RSRC1: variants seen among roughly 807,000 people sequenced by gnomAD.
RSRC1 encodes serine/Arginine-related protein 53.
A neutral mutation model predicts 49.1 loss-of-function variants in RSRC1; 39 were observed. The ratio of observed to expected loss-of-function variants is 0.79; its 90% CI spans 0.61 to 1.04. The LOEUF (loss-of-function observed/expected upper bound fraction) is 1.04. RSRC1 is among the 50% of genes least tolerant of loss of function. RSRC1 has a pLI of 0.00. For synonymous variants in RSRC1, 143 were observed against 130.8 expected, an observed-to-expected ratio of 1.09 and a Z score of -0.63; for missense variants, 388 against 402.4, an observed-to-expected ratio of 0.96 and a Z score of 0.31.
intron 3 of RSRC1, among the ~76,000 whole-genome samples, chr3:158,182,362 A>ACTTTTTCTTAGGTGATAGAGAAACT (rs1274598235): frequency 6.6e-6 from 1 of 152,224 alleles, no homozygotes; most frequent in East Asian, 1.9e-4. Context: ...TTTTACAAAT[A>ACTTTTTCTTAGGTGATAGAGAAACT]CTTTTTCTTA....
At chr3:158,313,103 C>A (rs562630074) in intron 5 of RSRC1, among the ~76,000 whole-genome samples, 3 of 152,176 alleles carry the variant, frequency 2.0e-5, no homozygotes, top group Non-Finnish European at 2.9e-5. Flanking sequence ...CAACCTCCCC[C>A]CTCCCCTCAC....
intron 4 of RSRC1, among the ~76,000 whole-genome samples, chr3:158,232,303 T>C (rs1167466428): frequency 2.0e-5 from 3 of 152,168 alleles, no homozygotes; most frequent in Non-Finnish European, 4.4e-5. Flanking sequence ...ATCTTAACAT[T>C]TAGTTTAAGT....
At chr3:158,171,071 A>T (rs1434249883) in intron 3 of RSRC1, among the ~76,000 whole-genome samples, 1 of 152,194 alleles carries the variant, frequency 6.6e-6, no homozygotes, top group African/African-American at 2.4e-5. Flanking sequence ...AGATCCTCTT[A>T]TTCTGTGTAT....
At chr3:158,316,936 G>A (rs943456132) in intron 5 of RSRC1, among the ~76,000 whole-genome samples, 12 of 152,130 alleles carry the variant, frequency 7.9e-5, no homozygotes, top group Non-Finnish European at 1.2e-4. Context: ...TTATTATTTA[G>A]TGCAAATACC....
At chr3:158,207,506 A>G (rs1466811569) in intron 4 of RSRC1, among the ~76,000 whole-genome samples, 1 of 152,272 alleles carries the variant, frequency 6.6e-6, no homozygotes. Flanking sequence ...AGGATTCACA[A>G]ACATTTAAAT....
Position 158,110,762 on chromosome 3 carries a change from C to T in RSRC1, c.-3+539C>T, listed in dbSNP as rs187473394. On this transcript the variant is annotated intron_variant, in intron 1 of 9. Coordinates refer to ENST00000611884, the MANE Select transcript of RSRC1 (RefSeq NM_001271838.2). ...GTGGTGCAGGGTGAAATAGATGTTCCTCTCTTGAAATATAAATATGCTCGC... is the reference window on the plus strand; with the variant it reads ...GTGGTGCAGGGTGAAATAGATGTTCTTCTCTTGAAATATAAATATGCTCGC... Among the ~76,000 whole-genome samples the T allele has an allele frequency of 1.2e-4, 18 of 152,302 alleles. No individual in the cohort carries two copies. The East Asian group carries it at 3.3e-3, about 28-fold the overall frequency.
chr3:158,487,975 C>G (rs1222148566), intron 7 of RSRC1, among the ~76,000 whole-genome samples: 1 of 37,862 alleles, frequency 2.6e-5, no homozygotes. Flanking sequence ...AAAAAAAAAA[C>G]TGGCTGAATG....
intron 6 of RSRC1, among the ~76,000 whole-genome samples, chr3:158,355,498 T>A (rs374096955): frequency 6.6e-6 from 1 of 151,976 alleles, no homozygotes; most frequent in Admixed American, 6.6e-5. Flanking sequence ...TGTCATTTAG[T>A]AATTTCCCTA....
At chr3:158,457,692 G>T (rs1029197856) in intron 6 of RSRC1, among the ~76,000 whole-genome samples, 1 of 151,372 alleles carries the variant, frequency 6.6e-6, no homozygotes, top group East Asian at 1.9e-4. Context: ...GATGTGGTTG[G>T]TTCACTGTTT....
chr3:158,321,871 G>A (rs922314797), intron 5 of RSRC1, among the ~76,000 whole-genome samples: 3 of 151,796 alleles, frequency 2.0e-5, no homozygotes, highest in African/African-American at 4.8e-5. Context: ...TTGCAATCAC[G>A]AATATCACAT....
At chr3:158,395,594 T>C (rs1172882567) in intron 6 of RSRC1, among the ~76,000 whole-genome samples, 1 of 152,060 alleles carries the variant, frequency 6.6e-6, no homozygotes, top group Non-Finnish European at 1.5e-5. Flanking sequence ...CTTCACTGGT[T>C]GCTAGAGATA....
intron 4 of RSRC1, among the ~76,000 whole-genome samples, chr3:158,230,148 G>A (rs929753745): frequency 1.3e-5 from 2 of 151,924 alleles, no homozygotes; most frequent in African/African-American, 2.4e-5. Context: ...GTATAGCCTG[G>A]TTGTTTTATA....
chr3:158,194,255 C>T (rs1350162415), intron 3 of RSRC1, among the ~76,000 whole-genome samples: 1 of 149,172 alleles, frequency 6.7e-6, no homozygotes, highest in African/African-American at 2.5e-5. Flanking sequence ...GCCTGGCTGA[C>T]AGAGTTAGAC....
chr3:158,115,597 G>C (rs1714744806), intron 1 of RSRC1, among the ~76,000 whole-genome samples: 1 of 152,032 alleles, frequency 6.6e-6, no homozygotes, highest in Non-Finnish European at 1.5e-5. Context: ...CCAAAATATG[G>C]TAACATAAAT....
chr3:158,460,563 C>T (rs566062926), intron 6 of RSRC1, among the ~76,000 whole-genome samples: 8 of 151,816 alleles, frequency 5.3e-5, no homozygotes, highest in Non-Finnish European at 1.2e-4. Context: ...ATTTAAAGTG[C>T]GAACTGTACC....
intron 7 of RSRC1, among the ~76,000 whole-genome samples, chr3:158,479,289 C>T (rs1656358): frequency 0.73 from 109,115 of 148,594 alleles, 41,261 homozygotes; most frequent in African/African-American, 0.93. Flanking sequence ...TAAAATAATA[C>T]AAAATAATAT....
Position 158,148,364 on chromosome 3 carries a change from T to C in RSRC1, c.320+24373T>C, listed in dbSNP as rs200310518. Among the ~76,000 whole-genome samples the C allele has an allele frequency of 2.3e-3, 197 of 85,708 alleles. 2 individuals carry two copies. Among genetic ancestry groups the C allele is most frequent in the South Asian group, 6.1e-3 (19 of 3,134 alleles). The allele number at this position is 85,708 out of a possible 152,430, so 56.2% of individuals were successfully genotyped here. ...TGTTCTTAAAAGGTGTGTGTGTGTG[T>C]GCGTGTGTGTGTGTGTGTGTATGCG... On this transcript the variant is annotated intron_variant, in intron 3 of 9. Transcript: ENST00000611884.
At chr3:158,354,002 T>C (rs930526293) in intron 5 of RSRC1, among the ~76,000 whole-genome samples, 5 of 141,540 alleles carry the variant, frequency 3.5e-5, no homozygotes, top group East Asian at 2.0e-4. Context: ...TTTCTTTTTT[T>C]TTTTTTTTTT....
intron 6 of RSRC1, among the ~76,000 whole-genome samples, chr3:158,431,046 G>A (rs1735749435): frequency 6.6e-6 from 1 of 151,794 alleles, no homozygotes; most frequent in South Asian, 2.1e-4. Flanking sequence ...GCTTAATTTT[G>A]TCCAACTAAG....
Sources: allele counts gnomAD v4.1 joint callset (sites outside exome capture counted in the v4.1 genomes callset), GRCh38; gene constraint gnomAD v4.1.1; transcripts MANE v1.5; gene names NCBI Gene and HGNC (gene_info 2026-07-23, HGNC 2026-07-21).